CFAP100: variants seen among roughly 807,000 people sequenced by gnomAD.
CFAP100 encodes cilia- and flagella-associated protein 100.
CFAP100 carries 70 observed loss-of-function variants against 81.5 expected under a neutral mutation model. The observed-to-expected ratio is 0.86, with a 90% CI of 0.71 to 1.05. CFAP100 has a LOEUF of 1.05. CFAP100 is among the 50% of genes least tolerant of loss of function. CFAP100 has a pLI of 0.00. For missense variants in CFAP100, 811 were observed against 776.5 expected (o/e 1.04, Z -0.53); for synonymous variants, 341 against 314.8 (o/e 1.08, Z -0.88).
chr3:126,413,992 A>T, intron 3 of CFAP100, 93 bp from the exon 4 acceptor site: 1 of 833,592 alleles, frequency 1.2e-6, no homozygotes, highest in Non-Finnish European at 2.1e-6. Flanking sequence ...ATGCTTTTCC[A>T]TGCTGGGCTG....
At chr3:126,401,969 C>T (rs2082991788) in intron 2 of CFAP100, among the ~76,000 whole-genome samples, 1 of 152,202 alleles carries the variant, frequency 6.6e-6, no homozygotes, top group Admixed American at 6.5e-5. Context: ...CCCATGGTGC[C>T]TCCTCCGTGG....
At chr3:126,401,397 T>TTATA (rs58055481) in intron 2 of CFAP100, among the ~76,000 whole-genome samples, 1,675 of 75,682 alleles carry the variant, frequency 0.022, 56 homozygotes, top group Non-Finnish European at 0.025. Flanking sequence ...AAATCGTATT[T>TTATA]TATATATATA....
In CFAP100 at chr3:126,426,183, C is replaced by A. The variant is rs759236032; in HGVS notation, c.1286+2539C>A. 2.0e-5 allele frequency among the ~76,000 whole-genome samples: 3 copies of A among 152,228 alleles called. No homozygotes were observed. The East Asian group carries it at 5.8e-4, about 29-fold the overall frequency. On this transcript the variant is annotated intron_variant, in intron 13 of 16. Coordinates refer to ENST00000352312, the MANE Select transcript of CFAP100 (RefSeq NM_182628.3). ...ACAATCAACAAAAAGCTCCTGATGG[C>A]CAAGTGCAGTGGCTCATGCCTGTAA...
chr3:126,417,365 G>A (rs78139175), intron 5 of CFAP100, among the ~76,000 whole-genome samples: 411 of 152,348 alleles, frequency 2.7e-3, no homozygotes, highest in Non-Finnish European at 3.6e-3. Flanking sequence ...CAACCCAGAT[G>A]ATGAAGTATA....
rs897564755 is a variant in CFAP100 at position 126,429,126 on chromosome 3, A to G, written c.1287-3943A>G. ...TCCATCCAAAAAAAAAAAAAAAAAA[A>G]AAAAAAAAGAAAGGATTACTGTTAA... On this transcript the variant is annotated intron_variant, in intron 13 of 16. Transcript: ENST00000352312. Among the ~76,000 whole-genome samples the G allele has an allele frequency of 1.1e-3, 151 of 133,154 alleles. 2 individuals carry two copies. Among genetic ancestry groups the G allele is most frequent in the African/African-American group, 3.9e-3 (146 of 37,798 alleles). The allele number at this position is 133,154 out of a possible 152,430, so 87.4% of individuals were successfully genotyped here.
intron 3 of CFAP100, among the ~76,000 whole-genome samples, chr3:126,407,605 CA>C (rs2083087326): frequency 6.6e-6 from 1 of 152,190 alleles, no homozygotes; most frequent in African/African-American, 2.4e-5. Context: ...ATGGCTGCTG[CA>C]GCTCCAGCCT....
intron 8 of CFAP100, 88 bp downstream of exon 8, chr3:126,419,244 G>A (rs936137175): frequency 1.3e-5 from 11 of 842,696 alleles, no homozygotes; most frequent in Non-Finnish European, 2.0e-5. Context: ...CTAGCACCAT[G>A]TGAACCTCAT....
chr3:126,408,132 C>T (rs1201861418), intron 3 of CFAP100, among the ~76,000 whole-genome samples: 1 of 152,170 alleles, frequency 6.6e-6, no homozygotes, highest in Non-Finnish European at 1.5e-5. Flanking sequence ...TTTCACAGGC[C>T]CACCACCAGG....
At chr3:126,396,877 AT>A (rs1485144406) in intron 2 of CFAP100, among the ~76,000 whole-genome samples, 1 of 152,194 alleles carries the variant, frequency 6.6e-6, no homozygotes, top group East Asian at 1.9e-4. Flanking sequence ...TTGGAATTTA[AT>A]TTGGTTTTGA....
chr3:126,399,366 G>A (rs1217142584), intron 2 of CFAP100, among the ~76,000 whole-genome samples: 3 of 152,112 alleles, frequency 2.0e-5, no homozygotes, highest in Non-Finnish European at 4.4e-5. Flanking sequence ...CACCACTGCT[G>A]TTCAATATTG....
intron 2 of CFAP100, among the ~76,000 whole-genome samples, chr3:126,402,053 T>C (rs146496054): frequency 6.6e-6 from 1 of 152,182 alleles, no homozygotes; most frequent in African/African-American, 2.4e-5. Flanking sequence ...CGGTCCAGAA[T>C]GTGGACTCCA....
chr3:126,427,733 G>A (rs939636108), intron 13 of CFAP100, among the ~76,000 whole-genome samples: 1 of 152,186 alleles, frequency 6.6e-6, no homozygotes, highest in African/African-American at 2.4e-5. Context: ...TGTTGTTAGT[G>A]TTTTGGATCT....
intron 5 of CFAP100, among the ~76,000 whole-genome samples, chr3:126,417,211 G>A (rs1357316182): frequency 6.6e-6 from 1 of 152,208 alleles, no homozygotes. Flanking sequence ...GCCCTTTGCA[G>A]CTCAGTTTCC....
At chr3:126,403,230 G>A (rs766247398) in intron 2 of CFAP100, among the ~76,000 whole-genome samples, 10 of 152,112 alleles carry the variant, frequency 6.6e-5, no homozygotes, top group South Asian at 2.1e-4. Context: ...CAGCAAATCC[G>A]CTGGGGCTGG....
rs1250988673 is a variant in CFAP100 at position 126,411,376 on chromosome 3, T to TTTTG, written c.131-2706_131-2705insGTTT. Among the ~76,000 whole-genome samples, 3 of 141,634 alleles carry TTTTG rather than the reference T, an allele frequency of 2.1e-5. 1 individual carries two copies. Among genetic ancestry groups the TTTTG allele is most frequent in the Non-Finnish European group, 4.6e-5 (3 of 65,208 alleles). 92.9% of individuals were successfully genotyped at this position (141,634 alleles called of 152,430 possible). ...GTTGTTGTTGGTTTTTTTTTTTTTT[T>TTTTG]TTTTTTTTTTTGCTCGTGTCCTTTC... On this transcript the variant is annotated intron_variant, in intron 3 of 16. Transcript: ENST00000352312.
intron 13 of CFAP100, among the ~76,000 whole-genome samples, chr3:126,426,137 T>C (rs2083399956): frequency 6.6e-6 from 1 of 152,202 alleles, no homozygotes; most frequent in Non-Finnish European, 1.5e-5. Flanking sequence ...ATGACATGAA[T>C]GTCTATGTAG....
At chr3:126,409,457 C>T (rs75895218) in intron 3 of CFAP100, among the ~76,000 whole-genome samples, 2,477 of 152,302 alleles carry the variant, frequency 0.016, 26 homozygotes, top group Non-Finnish European at 0.027. Context: ...TAAGCACTTG[C>T]GTCTCCTGGG....
At chr3:126,397,292 C>T (rs909956056) in intron 2 of CFAP100, among the ~76,000 whole-genome samples, 9 of 152,272 alleles carry the variant, frequency 5.9e-5, no homozygotes, top group African/African-American at 1.9e-4. Context: ...AGAAAGTGTG[C>T]TGCTATAAAC....
At position 126,436,508 on chromosome 3, in the gene CFAP100, T is replaced by C. The variant is rs1933453251; in HGVS notation, c.*104T>C. ...GAGTGGCCCAACTGAGTCCTCTCTG[T>C]CTCCTGTGTGCTCCCTTCCTCACCT... On this transcript the variant is annotated 3_prime_UTR_variant, in exon 17 of 17. Coordinates refer to ENST00000352312, the MANE Select transcript of CFAP100 (RefSeq NM_182628.3). The C allele has an allele frequency of 2.6e-6, 2 of 763,570 alleles. No homozygotes were observed. The highest frequency in any genetic ancestry group is 3.3e-5 in the South Asian group (2 of 61,466). 47.3% of individuals were successfully genotyped at this position (763,570 alleles called of 1,614,324 possible).
Sources: allele counts gnomAD v4.1 joint callset (sites outside exome capture counted in the v4.1 genomes callset), GRCh38; gene constraint gnomAD v4.1.1; transcripts MANE v1.5; gene names NCBI Gene and HGNC (gene_info 2026-07-23, HGNC 2026-07-21).